Variants in POLQ observed in about 807,000 individuals in gnomAD.
POLQ encodes the protein epididymis secretory sperm binding protein.
Under a neutral mutation model 259.2 loss-of-function variants are expected in POLQ, and 233 were observed. The ratio of observed to expected loss-of-function variants is 0.90; its 90% CI spans 0.81 to 1.00. The LOEUF (loss-of-function observed/expected upper bound fraction) is 1.00, where lower values mean the gene tolerates loss of function less well. Among genes scored for constraint, POLQ ranks in the 50% least tolerant of loss-of-function variants. The pLI, the probability that POLQ is intolerant of heterozygous loss-of-function variation, is 0.00. For missense variants in POLQ, 2,871 were observed against 3,051.6 expected, an observed-to-expected ratio of 0.94 and a Z score of 1.39; for synonymous variants, 1,025 against 1,048.8, an observed-to-expected ratio of 0.98 and a Z score of 0.44.
intron 14 of POLQ, among the ~76,000 whole-genome samples, chr3:121,496,049 C>T (rs1158672885): frequency 2.6e-5 from 4 of 151,890 alleles, no homozygotes; most frequent in South Asian, 2.1e-4. Context: ...CAGAATTTCT[C>T]GTTTGCTTAG....
chr3:121,452,222 C>T (rs562135570), intron 25 of POLQ, among the ~76,000 whole-genome samples: 2 of 152,254 alleles, frequency 1.3e-5, no homozygotes, highest in Non-Finnish European at 2.9e-5. Context: ...ATTCCCTGAC[C>T]CCTTGTGCTT....
At chr3:121,499,736 T>C (rs1165600368) in intron 12 of POLQ, among the ~76,000 whole-genome samples, 1 of 151,974 alleles carries the variant, frequency 6.6e-6, no homozygotes, top group Non-Finnish European at 1.5e-5. Flanking sequence ...TTATGAAACA[T>C]ATAAGAAATA....
chr3:121,479,761 T>C (rs2047956580), intron 19 of POLQ, among the ~76,000 whole-genome samples: 1 of 152,166 alleles, frequency 6.6e-6, no homozygotes, highest in African/African-American at 2.4e-5. Context: ...CTGCCTTATA[T>C]TCTTAAGTTA....
Position 121,476,733 on chromosome 3 carries a change from T to C in POLQ, c.6212A>G (p.Asp2071Gly), listed in dbSNP as rs369504425. 3.1e-6 allele frequency: 5 copies of C among 1,596,450 alleles called. No individual in the cohort carries two copies. Among genetic ancestry groups the C allele is most frequent in the Admixed American group, 3.6e-5 (2 of 55,602 alleles). ...NSLLQKENLQ[D>G]VFRKVEMPSQ... is the part of the protein sequence containing the mutation. ...GGGCATTTCCACCTTACGGAAAACA[T>C]CTGGAAGAAAAAAGAAAATTAAAAC... is the stretch of plus-strand genomic sequence containing the variant. Residue 2071 changes from aspartate (D) to glycine (G), a missense_variant and splice_region_variant, in exon 20 of 30, where the codon GAT becomes GGT. By Grantham distance (94) the Asp-to-Gly change is moderately conservative. Coordinates refer to ENST00000264233, the MANE Select transcript of POLQ (RefSeq NM_199420.4).
chr3:121,459,381 T>TTTTG (rs2047771231), intron 25 of POLQ, among the ~76,000 whole-genome samples: 1 of 146,296 alleles, frequency 6.8e-6, no homozygotes, highest in Non-Finnish European at 1.5e-5. Context: ...TTTTTTTTTT[T>TTTTG]TTTTTTTTTT....
chr3:121,522,472 C>T (rs1051130468), intron 7 of POLQ, among the ~76,000 whole-genome samples: 4 of 149,690 alleles, frequency 2.7e-5, no homozygotes, highest in African/African-American at 4.9e-5. Flanking sequence ...CCACCGCGCC[C>T]GGCTAATTTT....
chr3:121,515,699 G>A (rs958761345), intron 9 of POLQ, among the ~76,000 whole-genome samples: 1 of 152,188 alleles, frequency 6.6e-6, no homozygotes, highest in Non-Finnish European at 1.5e-5. Context: ...CCCTGCCAAA[G>A]AACACCTATA....
chr3:121,499,047 C>T (rs960243643), intron 12 of POLQ, among the ~76,000 whole-genome samples: 2 of 152,160 alleles, frequency 1.3e-5, no homozygotes, highest in Non-Finnish European at 2.9e-5. Context: ...TGCCACATCA[C>T]TCCAGCCTGG....
At chr3:121,439,961 A>G in intron 27 of POLQ, 31 bp downstream of exon 27, 1 of 1,582,690 alleles carries the variant, frequency 6.3e-7, no homozygotes, top group Non-Finnish European at 8.7e-7. Flanking sequence ...TTGAAATGTT[A>G]AGTTAAAATT....
At chr3:121,492,914 G>A (rs539661255) in intron 15 of POLQ, among the ~76,000 whole-genome samples, 165 of 151,606 alleles carry the variant, frequency 1.1e-3, no homozygotes, top group African/African-American at 3.8e-3. Context: ...AAAGTACTGG[G>A]ATTACAGGAG....
intron 25 of POLQ, among the ~76,000 whole-genome samples, chr3:121,450,422 A>C (rs2047665410): frequency 6.6e-6 from 1 of 151,128 alleles, no homozygotes; most frequent in African/African-American, 2.4e-5. Flanking sequence ...CACAATGTGC[A>C]GGTTTGTTAC....
chr3:121,491,561 G>C (rs1345808525), intron 15 of POLQ, among the ~76,000 whole-genome samples: 6 of 152,130 alleles, frequency 3.9e-5, no homozygotes. Context: ...TCAGCACCCT[G>C]TAGGTTGGCT....
chr3:121,490,420 G>A lies in POLQ; in HGVS notation c.2523-12C>T, dbSNP rs1294963514. 1.2e-6 allele frequency: 2 copies of A among 1,600,710 alleles called. No individual in the cohort carries two copies. Among genetic ancestry groups the A allele is most frequent in the Non-Finnish European group, 1.7e-6 (2 of 1,169,190 alleles). ...CTGCCTTCCGGGCACTACACAAGGA[G>A]ATGGGAAAAGACAGAAATGAATTCA... On this transcript the variant is annotated splice_polypyrimidine_tract_variant and intron_variant, in intron 15 of 29. Coordinates refer to ENST00000264233, the MANE Select transcript of POLQ (RefSeq NM_199420.4).
intron 22 of POLQ, among the ~76,000 whole-genome samples, chr3:121,470,591 G>C (rs2047875653): frequency 6.6e-6 from 1 of 152,236 alleles, no homozygotes; most frequent in Non-Finnish European, 1.5e-5. Flanking sequence ...GGGTGAGACT[G>C]TTATTACCTT....
chr3:121,530,186 G>T (rs762771242), intron 6 of POLQ, among the ~76,000 whole-genome samples: 86 of 152,154 alleles, frequency 5.7e-4, no homozygotes, highest in Admixed American at 1.2e-3. Context: ...TGGTGCAAAA[G>T]CAGTATGCAC....
intron 7 of POLQ, among the ~76,000 whole-genome samples, chr3:121,525,215 C>T (rs1027634934): frequency 6.6e-6 from 1 of 151,986 alleles, no homozygotes; most frequent in Non-Finnish European, 1.5e-5. Flanking sequence ...GTGGTGGGCA[C>T]CTGTAGTCCC....
At chr3:121,453,642 G>A (rs1241738779) in intron 25 of POLQ, among the ~76,000 whole-genome samples, 3 of 151,278 alleles carry the variant, frequency 2.0e-5, no homozygotes, top group Non-Finnish European at 3.0e-5. Context: ...GGGTATCAGT[G>A]ATGGAAGATG....
chr3:121,528,236 C>T (rs571827662), intron 7 of POLQ, among the ~76,000 whole-genome samples: 1 of 152,230 alleles, frequency 6.6e-6, no homozygotes, highest in African/African-American at 2.4e-5. Flanking sequence ...ATTCTCCTGC[C>T]TTATCCTCCC....
intron 19 of POLQ, 43 bp downstream of exon 19, chr3:121,481,529 T>C: frequency 6.6e-7 from 1 of 1,521,072 alleles, no homozygotes; most frequent in Non-Finnish European, 8.9e-7. Context: ...TAAATCTCTA[T>C]CTCTAATCTA....
Sources: gnomAD v4.1 joint callset for allele counts (sites outside exome capture counted in the v4.1 genomes callset) on GRCh38, gnomAD v4.1.1 for gene constraint, MANE v1.5 for transcripts, NCBI Gene and HGNC (gene_info 2026-07-23, HGNC 2026-07-21) for gene names.